The following RAPGEF5 variants were observed in gnomAD, a reference collection of about 807,000 sequenced individuals.
RAPGEF5 encodes M-Ras-regulated GEF.
In RAPGEF5, 65 loss-of-function variants were observed where a neutral mutation model predicts 125.2. The ratio of observed to expected loss-of-function variants is 0.52; its 90% CI spans 0.43 to 0.64. RAPGEF5 has a LOEUF of 0.64. Ranked by LOEUF, RAPGEF5 falls within the 30% of genes least tolerant of loss-of-function variation. The pLI, the probability that RAPGEF5 is intolerant of heterozygous loss-of-function variation, is 0.00. For synonymous variants in RAPGEF5, 391 were observed against 385.9 expected (o/e 1.01, Z -0.16); for missense variants, 958 against 1,048.1 (o/e 0.91, Z 1.19).
At chr7:22,307,033 C>T (rs534376003) in intron 5 of RAPGEF5, among the ~76,000 whole-genome samples, 6 of 151,992 alleles carry the variant, frequency 3.9e-5, no homozygotes, top group South Asian at 4.1e-4. Flanking sequence ...TTGGCTATTC[C>T]GGATCTTTTG....
At chr7:22,301,270 T>C (rs1783192440) in intron 5 of RAPGEF5, among the ~76,000 whole-genome samples, 1 of 152,140 alleles carries the variant, frequency 6.6e-6, no homozygotes, top group Admixed American at 6.5e-5. Context: ...TATCTTGCCA[T>C]AGTTAACGTC....
At chr7:22,143,478 A>G (rs969395991) in intron 20 of RAPGEF5, among the ~76,000 whole-genome samples, 6 of 152,156 alleles carry the variant, frequency 3.9e-5, no homozygotes, top group Non-Finnish European at 8.8e-5. Flanking sequence ...TCAATCTGAA[A>G]TTCAAGATCT....
intron 17 of RAPGEF5, among the ~76,000 whole-genome samples, chr7:22,151,470 T>C (rs982965523): frequency 6.7e-6 from 1 of 148,998 alleles, no homozygotes; most frequent in East Asian, 2.0e-4. Context: ...TTTTTTTTTT[T>C]TTTTTTTTTG....
At chr7:22,133,290 G>C (rs927013527) in intron 23 of RAPGEF5, among the ~76,000 whole-genome samples, 1 of 152,196 alleles carries the variant, frequency 6.6e-6, no homozygotes, top group Non-Finnish European at 1.5e-5. Context: ...TGCAGTCCGG[G>C]AGAAAGGGAA....
intron 7 of RAPGEF5, among the ~76,000 whole-genome samples, chr7:22,243,861 C>T (rs1029899900): frequency 6.6e-5 from 10 of 152,176 alleles, no homozygotes; most frequent in African/African-American, 1.4e-4. Context: ...GCTGTGCAAT[C>T]GATATGGAAA....
At chr7:22,227,312 C>G (rs17146454) in intron 8 of RAPGEF5, among the ~76,000 whole-genome samples, 1 of 151,876 alleles carries the variant, frequency 6.6e-6, no homozygotes, top group Non-Finnish European at 1.5e-5. Flanking sequence ...TTTTCTTTGA[C>G]AGTATTAAAT....
At chr7:22,238,195 T>C (rs1386958396) in intron 7 of RAPGEF5, among the ~76,000 whole-genome samples, 2 of 152,234 alleles carry the variant, frequency 1.3e-5, no homozygotes, top group African/African-American at 2.4e-5. Context: ...ATTTGTTAAA[T>C]ATCTGTTCAG....
At chr7:22,148,973 G>A (rs1562718367) in intron 18 of RAPGEF5, among the ~76,000 whole-genome samples, 1 of 152,182 alleles carries the variant, frequency 6.6e-6, no homozygotes, top group Non-Finnish European at 1.5e-5. Flanking sequence ...GAATTACACA[G>A]GACTGTGGCC....
rs563424351 is a variant in RAPGEF5 at position 22,122,569 on chromosome 7, C to A, written c.2537-48G>T. 1.4e-5 allele frequency: 20 copies of A among 1,392,216 alleles called. 1 individual carries two copies. The South Asian group carries it at 2.2e-4, about 16-fold the overall frequency. The allele number at this position is 1,392,216 out of a possible 1,614,324, so 86.2% of individuals were successfully genotyped here. ...AGACAATCTCAGGAGAGCAGTAATG[C>A]TGTATCTACATACCAACAAAACCCC... On this transcript the variant is annotated intron_variant, in intron 25 of 25. Coordinates refer to ENST00000665637, the MANE Select transcript of RAPGEF5 (RefSeq NM_012294.5).
At chr7:22,247,973 G>C (rs1786522523) in intron 7 of RAPGEF5, among the ~76,000 whole-genome samples, 1 of 152,116 alleles carries the variant, frequency 6.6e-6, no homozygotes, top group South Asian at 2.1e-4. Flanking sequence ...TAGACTACTG[G>C]ATGAGGGAAA....
chr7:22,330,867 T>C (rs1783903894), intron 1 of RAPGEF5, among the ~76,000 whole-genome samples: 1 of 152,154 alleles, frequency 6.6e-6, no homozygotes, highest in African/African-American at 2.4e-5. Flanking sequence ...CCAAACTCCC[T>C]CTCTGACCCA....
chr7:22,156,805 C>G lies in RAPGEF5; in HGVS notation c.1636+5G>C. On this transcript the variant is annotated splice_donor_5th_base_variant and intron_variant, in intron 16 of 25. Transcript: ENST00000665637. Reference sequence around the variant, plus strand: ...CCCCAAACCCTCACTTCAAACCATACTCACTTTCCTCCGTTTCAGTCACAG... The same window carrying G: ...CCCCAAACCCTCACTTCAAACCATAGTCACTTTCCTCCGTTTCAGTCACAG... 1 of 1,613,898 alleles carries G rather than the reference C, an allele frequency of 6.2e-7. No homozygotes were observed. The highest frequency in any genetic ancestry group is 8.5e-7 in the Non-Finnish European group (1 of 1,179,822).
chr7:22,290,473 C>T (rs187314835), intron 6 of RAPGEF5, among the ~76,000 whole-genome samples: 168 of 152,292 alleles, frequency 1.1e-3, no homozygotes, highest in Non-Finnish European at 2.0e-3. Flanking sequence ...AGGCCGGGCG[C>T]GGTGGCTCAC....
intron 9 of RAPGEF5, among the ~76,000 whole-genome samples, chr7:22,209,793 C>G (rs750694053): frequency 1.3e-5 from 2 of 152,132 alleles, no homozygotes; most frequent in Non-Finnish European, 2.9e-5. Context: ...AATCTAACTT[C>G]AGGAACACAA....
intron 1 of RAPGEF5, among the ~76,000 whole-genome samples, chr7:22,346,870 A>T (rs910026408): frequency 6.6e-6 from 1 of 152,224 alleles, no homozygotes; most frequent in Non-Finnish European, 1.5e-5. Flanking sequence ...GCAAGAAGTC[A>T]ATGTCCCATG....
chr7:22,145,533 T>C (rs968314842), intron 19 of RAPGEF5, among the ~76,000 whole-genome samples: 1 of 152,206 alleles, frequency 6.6e-6, no homozygotes, highest in Non-Finnish European at 1.5e-5. Context: ...TTTCCCAAAC[T>C]TGTCATGTTG....
At chr7:22,339,820 T>C (rs1784092757) in intron 1 of RAPGEF5, among the ~76,000 whole-genome samples, 1 of 152,244 alleles carries the variant, frequency 6.6e-6, no homozygotes, top group African/African-American at 2.4e-5. Flanking sequence ...CCTTCTCATA[T>C]GTATCCTTTG....
chr7:22,181,596 A>G (rs1195237263), intron 11 of RAPGEF5, among the ~76,000 whole-genome samples: 3 of 152,162 alleles, frequency 2.0e-5, no homozygotes, highest in Non-Finnish European at 4.4e-5. Flanking sequence ...TTCTGTCACT[A>G]TTTAGATTAT....
At chr7:22,168,160 T>C (rs927264970) in intron 11 of RAPGEF5, among the ~76,000 whole-genome samples, 10 of 152,268 alleles carry the variant, frequency 6.6e-5, no homozygotes, top group Non-Finnish European at 1.5e-4. Flanking sequence ...CCACTTTATA[T>C]GTTGAAACCT....
Sources: allele counts gnomAD v4.1 joint callset (sites outside exome capture counted in the v4.1 genomes callset), GRCh38; gene constraint gnomAD v4.1.1; transcripts MANE v1.5; gene names NCBI Gene and HGNC (gene_info 2026-07-23, HGNC 2026-07-21).